Variants in UPP2 observed in about 807,000 individuals in gnomAD.
The protein encoded by UPP2 is UPase 2.
A neutral mutation model predicts 26.7 loss-of-function variants in UPP2; 23 were observed. The ratio of observed to expected loss-of-function variants is 0.86; its 90% CI spans 0.62 to 1.22. The LOEUF (loss-of-function observed/expected upper bound fraction) is 1.22, where lower values mean the gene tolerates loss of function less well. UPP2 is among the 50% of genes most tolerant of loss of function. UPP2 has a pLI of 0.00. For missense variants in UPP2, 387 were observed against 396.7 expected, an observed-to-expected ratio of 0.98 and a Z score of 0.21; for synonymous variants, 127 against 141.3, an observed-to-expected ratio of 0.90 and a Z score of 0.72.
chr2:158,117,176 T>C (rs1211534712), intron 3 of UPP2, among the ~76,000 whole-genome samples: 2 of 151,988 alleles, frequency 1.3e-5, no homozygotes, highest in African/African-American at 4.8e-5. Context: ...AGTTGCTAAA[T>C]CCTGTAGCCT....
chr2:158,000,753 G>T (rs1683392195), intron 2 of UPP2, among the ~76,000 whole-genome samples: 1 of 152,218 alleles, frequency 6.6e-6, no homozygotes, highest in South Asian at 2.1e-4. Flanking sequence ...GCAAGGCCTG[G>T]GTTAGCACTA....
At chr2:158,033,478 C>T (rs949986245) in intron 3 of UPP2, among the ~76,000 whole-genome samples, 13 of 152,080 alleles carry the variant, frequency 8.5e-5, no homozygotes, top group Non-Finnish European at 1.9e-4. Context: ...AATAGCTTCT[C>T]CAGAAGGGAT....
intron 6 of UPP2, among the ~76,000 whole-genome samples, chr2:158,130,308 G>T (rs958230249): frequency 6.6e-6 from 1 of 151,890 alleles, no homozygotes; most frequent in African/African-American, 2.4e-5. Flanking sequence ...AAAATTAGCC[G>T]GTCATGGTGG....
intron 3 of UPP2, among the ~76,000 whole-genome samples, chr2:158,083,577 G>T (rs1682763108): frequency 1.3e-5 from 2 of 151,786 alleles, no homozygotes; most frequent in African/African-American, 4.8e-5. Flanking sequence ...TTAGGGGAGG[G>T]GTAGCATTAG....
At chr2:158,098,885 G>A (rs528415259), upstream of UPP2, among the ~76,000 whole-genome samples, 173 of 152,280 alleles carry the variant, frequency 1.1e-3, no homozygotes, top group Admixed American at 1.8e-3. Flanking sequence ...GCACGTATAT[G>A]TAATAATGTT....
Position 158,002,902 on chromosome 2 carries a change from A to AT in UPP2, c.61+7654dup, listed in dbSNP as rs920494138. ...ATGAAATATCTTCCTTCCTGGTACA[A>AT]TTTTTTTTTTTCCTTTTTCTTTTCT... On this transcript the variant is annotated intron_variant, in intron 2 of 9. Coordinates refer to the UPP2 transcript ENST00000605860. 3.6e-3 allele frequency among the ~76,000 whole-genome samples: 540 copies of AT among 148,292 alleles called. 2 individuals are homozygous for AT. The highest frequency in any genetic ancestry group is 0.012 in the African/African-American group (495 of 40,466).
intron 3 of UPP2, among the ~76,000 whole-genome samples, chr2:158,088,476 T>C (rs1276773621): frequency 6.6e-6 from 1 of 152,248 alleles, no homozygotes; most frequent in Non-Finnish European, 1.5e-5. Context: ...GAATTCTTTT[T>C]CTGGCAATTC....
At chr2:158,069,147 A>T (rs1386612311) in intron 3 of UPP2, among the ~76,000 whole-genome samples, 4 of 152,006 alleles carry the variant, frequency 2.6e-5, no homozygotes. Context: ...TCGCCTCTGG[A>T]ACAAATGATT....
chr2:158,019,650 ACACACACAC>A (rs1683717255), intron 3 of UPP2, among the ~76,000 whole-genome samples: 3 of 106,758 alleles, frequency 2.8e-5, no homozygotes, highest in Non-Finnish European at 5.4e-5. Flanking sequence ...ACACACACAC[ACACACACAC>A]ACACACACAC....
chr2:158,128,858 T>C (rs996919564), intron 6 of UPP2, among the ~76,000 whole-genome samples: 4 of 152,140 alleles, frequency 2.6e-5, no homozygotes, highest in Admixed American at 2.6e-4. Context: ...ATTGACTTAG[T>C]GATGGGATCA....
intron 3 of UPP2, among the ~76,000 whole-genome samples, chr2:158,018,141 A>G (rs1683689575): frequency 6.6e-6 from 1 of 152,206 alleles, no homozygotes; most frequent in Non-Finnish European, 1.5e-5. Flanking sequence ...CATTTACTAA[A>G]CAGCCTCTCG....
At chr2:158,085,569 T>C (rs1240230077) in intron 3 of UPP2, among the ~76,000 whole-genome samples, 1 of 152,172 alleles carries the variant, frequency 6.6e-6, no homozygotes, top group Non-Finnish European at 1.5e-5. Context: ...AGGGCATTCT[T>C]GTGTTTTGCC....
intron 3 of UPP2, among the ~76,000 whole-genome samples, chr2:158,087,130 T>C (rs1455591856): frequency 6.6e-6 from 1 of 152,176 alleles, no homozygotes; most frequent in Non-Finnish European, 1.5e-5. Flanking sequence ...ATATTATTTC[T>C]TAGGTCTAAT....
chr2:158,111,075 C>G (rs1027857699), intron 2 of UPP2, among the ~76,000 whole-genome samples: 1 of 152,106 alleles, frequency 6.6e-6, no homozygotes, highest in Non-Finnish European at 1.5e-5. Context: ...GACATGAAGT[C>G]CTTGCCCATG....
Position 158,038,264 on chromosome 2 carries a change from A to G in UPP2, c.147+22378A>G, listed in dbSNP as rs114259920. ...CTACCAGATGTTTTAAATGGCTTTC[A>G]TACATGGAGAAACAGAAAAGAAAAT... On this transcript the variant is annotated intron_variant, in intron 3 of 9. Coordinates refer to the UPP2 transcript ENST00000605860. Among the ~76,000 whole-genome samples the G allele has an allele frequency of 3.7e-3, 569 of 152,340 alleles. 2 individuals carry two copies. The highest frequency in any genetic ancestry group is 0.013 in the African/African-American group (539 of 41,566).
intron 3 of UPP2, among the ~76,000 whole-genome samples, chr2:158,039,552 T>C (rs935939274): frequency 5.3e-5 from 8 of 152,322 alleles, no homozygotes; most frequent in African/African-American, 1.9e-4. Flanking sequence ...AAGCTCCCTG[T>C]TGAATATAAT....
chr2:158,021,325 A>T (rs1683747724), intron 3 of UPP2, among the ~76,000 whole-genome samples: 1 of 152,246 alleles, frequency 6.6e-6, no homozygotes, highest in Non-Finnish European at 1.5e-5. Context: ...CTAAGTATGT[A>T]TCTGGATTGG....
At chr2:158,044,783 C>G (rs1684128724) in intron 3 of UPP2, among the ~76,000 whole-genome samples, 1 of 152,112 alleles carries the variant, frequency 6.6e-6, no homozygotes, top group Non-Finnish European at 1.5e-5. Context: ...GAGACGGTAA[C>G]CAGAGAGTCC....
chr2:158,024,885 C>CT (rs1477693187), intron 3 of UPP2, among the ~76,000 whole-genome samples: 1 of 152,028 alleles, frequency 6.6e-6, no homozygotes, highest in Non-Finnish European at 1.5e-5. Context: ...GTAAATTTTT[C>CT]TTTTTATTGG....
Sources: gnomAD v4.1 joint callset for allele counts (sites outside exome capture counted in the v4.1 genomes callset) on GRCh38, gnomAD v4.1.1 for gene constraint, MANE v1.5 for transcripts, NCBI Gene and HGNC (gene_info 2026-07-23, HGNC 2026-07-21) for gene names.